The following UBA52 variants were observed in gnomAD, a reference collection of about 807,000 sequenced individuals.
UBA52 encodes the protein ubiquitin-ribosomal protein eL40 fusion protein.
A neutral mutation model predicts 15.3 loss-of-function variants in UBA52; 1 was observed. That is an observed-to-expected ratio of 0.07 (90% CI 0.02 to 0.31). The LOEUF is 0.31. Ranked by LOEUF, UBA52 falls within the 10% of genes least tolerant of loss-of-function variation. The probability of loss-of-function intolerance (pLI) is 1.00; values close to 1 mark genes in which losing one functional copy is unlikely to be tolerated. For synonymous variants in UBA52, 50 were observed against 58.3 expected (o/e 0.86, Z 0.65); for missense variants, 87 against 168.0 (o/e 0.52, Z 2.66).
In UBA52 at chr19:18,573,650, C is replaced by T. The variant is rs781309782; in HGVS notation, c.104-12C>T. 4.3e-6 allele frequency: 7 copies of T among 1,613,644 alleles called. No individual in the cohort carries two copies. Among genetic ancestry groups the T allele is most frequent in the South Asian group, 2.2e-5 (2 of 91,068 alleles). ...TCCGCAGAGCCTCTAACTGAGCCTCCCTCCCCCTCAGGTATCCCACCTGAC... is the reference window on the plus strand; with the variant it reads ...TCCGCAGAGCCTCTAACTGAGCCTCTCTCCCCCTCAGGTATCCCACCTGAC... On this transcript the variant is annotated splice_polypyrimidine_tract_variant and intron_variant, in intron 2 of 4. Coordinates refer to ENST00000442744, the MANE Select transcript of UBA52 (RefSeq NM_001033930.3).
chr19:18,568,469 C>T (rs1376575286), upstream of UBA52: 2 of 1,614,070 alleles, frequency 1.2e-6, no homozygotes, highest in East Asian at 4.5e-5. Context: ...CCACGACCAC[C>T]ATTGCCACCT....
chr19:18,573,283 C>T lies in UBA52; in HGVS notation c.-8-10C>T, dbSNP rs374771699. 2.5e-6 allele frequency: 4 copies of T among 1,613,364 alleles called. No homozygotes were observed. Among genetic ancestry groups the T allele is most frequent in the African/African-American group, 2.7e-5 (2 of 74,920 alleles). On this transcript the variant is annotated splice_polypyrimidine_tract_variant and intron_variant, in intron 1 of 4. Coordinates refer to ENST00000442744, the MANE Select transcript of UBA52 (RefSeq NM_001033930.3). ...CTCACCAGTCTATCCTGCCTCCCTT[C>T]CTCCTGCAGACGCAAACATGCAGAT...
At chr19:18,570,154 T>G (rs932822860), upstream of UBA52, among the ~76,000 whole-genome samples, 2 of 152,148 alleles carry the variant, frequency 1.3e-5, no homozygotes, top group African/African-American at 4.8e-5. Context: ...CTGTTAAGCC[T>G]ATAGGTAACT....
upstream of UBA52, chr19:18,568,293 C>A (rs879161344): frequency 8.2e-5 from 58 of 709,432 alleles, no homozygotes; most frequent in Non-Finnish European, 1.3e-4. Context: ...AGGGTCAAGT[C>A]ATACCCCCAT....
intron 4 of UBA52, 36 bp from the exon 5 acceptor site, chr19:18,575,021 G>C (rs952959522): frequency 1.2e-6 from 2 of 1,614,156 alleles, no homozygotes; most frequent in Admixed American, 3.3e-5. Context: ...CCGGAGTCGG[G>C]GTATGCCCTC....
At chr19:18,574,091 A>G (rs1415579278) in intron 3 of UBA52, among the ~76,000 whole-genome samples, 1 of 151,960 alleles carries the variant, frequency 6.6e-6, no homozygotes, top group Admixed American at 6.6e-5. Flanking sequence ...TGAGATCATC[A>G]TGACCAACAT....
At chr19:18,570,310 C>T (rs994680526), upstream of UBA52, among the ~76,000 whole-genome samples, 1 of 151,698 alleles carries the variant, frequency 6.6e-6, no homozygotes, top group African/African-American at 2.4e-5. Flanking sequence ...AGGCAATCCT[C>T]CTGCCTCCGA....
chr19:18,568,391 C>G (rs756069368), upstream of UBA52: 1 of 1,607,520 alleles, frequency 6.2e-7, no homozygotes, highest in Non-Finnish European at 8.5e-7. Context: ...TCTTGGGCCT[C>G]CTTCCCCCAG....
At chr19:18,565,868 A>G in the UBA52 span, among the ~76,000 whole-genome samples, 1 of 152,056 alleles carries the variant, frequency 6.6e-6, no homozygotes, top group Non-Finnish European at 1.5e-5. Flanking sequence ...TTTGTATTTT[A>G]GTAGAGACGA....
chr19:18,575,152 G>A lies in UBA52; in HGVS notation c.*2G>A. On this transcript the variant is annotated 3_prime_UTR_variant, in exon 5 of 5. Coordinates refer to ENST00000442744, the MANE Select transcript of UBA52 (RefSeq NM_001033930.3). ...CGTCCCAAGAAGAAGGTCAAATAAGGTGGTTCTTTCCTTGAAGGGCAGCCT... is the reference window on the plus strand; with the variant it reads ...CGTCCCAAGAAGAAGGTCAAATAAGATGGTTCTTTCCTTGAAGGGCAGCCT... 9 of 1,614,174 alleles carry A rather than the reference G, an allele frequency of 5.6e-6. No individual in the cohort carries two copies. The highest frequency in any genetic ancestry group is 7.6e-6 in the Non-Finnish European group (9 of 1,180,032).
chr19:18,571,092 C>T, upstream of UBA52, among the ~76,000 whole-genome samples: 1 of 151,180 alleles, frequency 6.6e-6, no homozygotes, highest in Non-Finnish European at 1.5e-5. Context: ...GGGCGGATCA[C>T]CTGAGGTCGC....
chr19:18,567,334 G>C, upstream of UBA52: 2 of 731,582 alleles, frequency 2.7e-6, no homozygotes, highest in Non-Finnish European at 4.8e-6. Flanking sequence ...CAGGGTGCTG[G>C]CCTGGTCCTG....
At chr19:18,574,793 G>T (rs1975701049) in intron 3 of UBA52, 77 bp from the exon 4 acceptor site, 1 of 1,564,240 alleles carries the variant, frequency 6.4e-7, no homozygotes. Flanking sequence ...CAGACTATAG[G>T]CCCTGGAGGG....
Position 18,575,176 on chromosome 19 carries a change from C to T in UBA52, c.*26C>T. The T allele has an allele frequency of 6.2e-7, 1 of 1,613,402 alleles. No homozygotes were observed. On this transcript the variant is annotated 3_prime_UTR_variant, in exon 5 of 5. Coordinates refer to ENST00000442744, the MANE Select transcript of UBA52 (RefSeq NM_001033930.3). ...GGTGGTTCTTTCCTTGAAGGGCAGC[C>T]TCCTGCCCAGGCCCCGTGGCCCTGG...
At chr19:18,568,642 C>T (rs578141575), upstream of UBA52, 64 of 1,599,620 alleles carry the variant, frequency 4.0e-5, no homozygotes, top group South Asian at 4.0e-4. Context: ...CCCTGCTGCC[C>T]GGTGCCTTGA....
chr19:18,573,716 G>A lies in UBA52; in HGVS notation c.158G>A (p.Gly53Asp). 6.2e-7 allele frequency: 1 copy of A among 1,614,156 alleles called. No individual in the cohort carries two copies. Among genetic ancestry groups the A allele is most frequent in the Non-Finnish European group, 8.5e-7 (1 of 1,180,038 alleles). Residue 53 changes from glycine (G) to aspartate (D), a missense_variant, in exon 3 of 5, where the codon GGC becomes GAC. Transcript: ENST00000442744. ...LIFAGKQLED[G>D]RTLSDYNIQK... ...TTTGCCGGCAAACAGCTGGAGGATG[G>A]CCGCACTCTCTCAGACTACAACATC...
At chr19:18,564,742 G>A in the UBA52 span, 1 of 1,063,926 alleles carries the variant, frequency 9.4e-7, no homozygotes, top group Non-Finnish European at 1.4e-6. Flanking sequence ...GAACTCTGCA[G>A]GACAAGGGAA....
chr19:18,568,525 C>T (rs753816484), upstream of UBA52: 19 of 1,613,996 alleles, frequency 1.2e-5, no homozygotes, highest in South Asian at 7.7e-5. Flanking sequence ...GACACCGTCT[C>T]GCCCTCCCTG....
chr19:18,573,567 T>C, intron 2 of UBA52, 95 bp from the exon 3 acceptor site: 1 of 1,435,294 alleles, frequency 7.0e-7, no homozygotes, highest in African/African-American at 1.4e-5. Flanking sequence ...AGTTGGCCTT[T>C]TGAGAAACTG....
Sources: gnomAD v4.1 joint callset for allele counts (sites outside exome capture counted in the v4.1 genomes callset) on GRCh38, gnomAD v4.1.1 for gene constraint, MANE v1.5 for transcripts, NCBI Gene and HGNC (gene_info 2026-07-23, HGNC 2026-07-21) for gene names.